The following TYR variants were observed in gnomAD, a reference collection of about 807,000 sequenced individuals.
TYR encodes the protein LB24-AB.
TYR carries 58 observed loss-of-function variants against 51.5 expected under a neutral mutation model. The ratio of observed to expected loss-of-function variants is 1.13; its 90% CI spans 0.91 to 1.40. The LOEUF is 1.40. TYR is among the 40% of genes most tolerant of loss of function. The pLI is 0.00. For synonymous variants in TYR, 263 were observed against 235.2 expected (o/e 1.12, Z -1.08); for missense variants, 732 against 647.4 (o/e 1.13, Z -1.42).
chr11:89,245,920 C>CA (rs58642362), intron 3 of TYR, among the ~76,000 whole-genome samples: 1,876 of 143,132 alleles, frequency 0.013, 28 homozygotes, highest in East Asian at 0.037. Context: ...GACTCCATCT[C>CA]AAAAAAAAAA....
intron 3 of TYR, among the ~76,000 whole-genome samples, chr11:89,258,258 C>T (rs1042190958): frequency 1.3e-5 from 2 of 151,750 alleles, no homozygotes; most frequent in Admixed American, 1.3e-4. Flanking sequence ...CACCTGATAC[C>T]TTGAAAGTAG....
chr11:89,243,662 T>C (rs1393187360), intron 3 of TYR, among the ~76,000 whole-genome samples: 1 of 152,196 alleles, frequency 6.6e-6, no homozygotes, highest in African/African-American at 2.4e-5. Flanking sequence ...CAATGTTTAA[T>C]CGAATTAATA....
At chr11:89,245,827 C>A (rs1270224388) in intron 3 of TYR, among the ~76,000 whole-genome samples, 1 of 151,644 alleles carries the variant, frequency 6.6e-6, no homozygotes, top group Non-Finnish European at 1.5e-5. Flanking sequence ...GAGGCTGAGG[C>A]AGGAGAATGG....
chr11:89,213,699 A>G (rs1320654497), intron 2 of TYR, among the ~76,000 whole-genome samples: 3 of 152,212 alleles, frequency 2.0e-5, no homozygotes, highest in African/African-American at 7.2e-5. Context: ...CTATACTACA[A>G]GGCTACACTA....
At chr11:89,256,225 G>A (rs1251781587) in intron 3 of TYR, among the ~76,000 whole-genome samples, 1 of 151,628 alleles carries the variant, frequency 6.6e-6, no homozygotes, top group East Asian at 1.9e-4. Context: ...AATATTTTTA[G>A]AGCAACTTGG....
intron 1 of TYR, among the ~76,000 whole-genome samples, chr11:89,183,582 A>G (rs1943329698): frequency 6.6e-6 from 1 of 152,056 alleles, no homozygotes; most frequent in Admixed American, 6.6e-5. Flanking sequence ...ACTTAGCTAC[A>G]AGACCCTAAG....
Position 89,178,260 on chromosome 11 carries a change from T to A in TYR, c.307T>A (p.Cys103Ser). ...CTTCATGGGATTCAACTGTGGAAAC[T>A]GCAAGTTTGGCTTTTGGGGACCAAA... Reference protein sequence around the residue: ...GNFMGFNCGNCKFGFWGPNCT... With the variant: ...GNFMGFNCGNSKFGFWGPNCT... The change falls in exon 1 of 5, where the codon TGC becomes AGC. Residue 103 changes from cysteine to serine, a missense_variant. Coordinates refer to ENST00000263321, the MANE Select transcript of TYR (RefSeq NM_000372.5). 1 of 1,614,226 alleles carries A rather than the reference T, an allele frequency of 6.2e-7. No individual in the cohort carries two copies. The highest frequency in any genetic ancestry group is 1.6e-4 in the Middle Eastern group (1 of 6,062).
chr11:89,245,159 A>G (rs1944248200), intron 3 of TYR, among the ~76,000 whole-genome samples: 1 of 152,198 alleles, frequency 6.6e-6, no homozygotes, highest in African/African-American at 2.4e-5. Flanking sequence ...GTGTAAAAAC[A>G]GTCAATATAT....
At chr11:89,179,911 G>T (rs945817836) in intron 1 of TYR, among the ~76,000 whole-genome samples, 1 of 152,128 alleles carries the variant, frequency 6.6e-6, no homozygotes, top group Non-Finnish European at 1.5e-5. Flanking sequence ...CAGCACTTTT[G>T]ACTAGCAATG....
At chr11:89,183,137 C>T (rs1384597983) in intron 1 of TYR, among the ~76,000 whole-genome samples, 1 of 152,154 alleles carries the variant, frequency 6.6e-6, no homozygotes, top group East Asian at 1.9e-4. Context: ...TCTTTGCTCC[C>T]AAAAGCTTTT....
intron 3 of TYR, among the ~76,000 whole-genome samples, chr11:89,244,103 T>C (rs920429621): frequency 1.3e-5 from 2 of 152,168 alleles, no homozygotes; most frequent in African/African-American, 4.8e-5. Flanking sequence ...ATATCAAAAA[T>C]AGAGGCTATT....
chr11:89,195,508 G>A (rs11018527), intron 2 of TYR, among the ~76,000 whole-genome samples: 3,551 of 151,862 alleles, frequency 0.023, 145 homozygotes, highest in African/African-American at 0.081. Context: ...GAGAAACCCC[G>A]TTTCTACTAA....
chr11:89,199,666 C>G (rs1032165638), intron 2 of TYR, among the ~76,000 whole-genome samples: 1 of 152,194 alleles, frequency 6.6e-6, no homozygotes, highest in Non-Finnish European at 1.5e-5. Context: ...TTATGTACAT[C>G]TAGCTCCTAT....
At position 89,254,656 on chromosome 11, in the gene TYR, C is replaced by T. The variant is rs1195360560; in HGVS notation, c.1184+26686C>T. On this transcript the variant is annotated intron_variant, in intron 3 of 4. Transcript: ENST00000263321. The stretch of plus-strand genomic sequence containing the variant: ...TGAATGATCTTTTGTATTTCTGTAG[C>T]ATCAGTTGTAATATCTCCCATTTCA... Among the ~76,000 whole-genome samples, 17 of 151,734 alleles carry T rather than the reference C, an allele frequency of 1.1e-4. No homozygotes were observed. The South Asian group carries it at 3.3e-3, about 30-fold the overall frequency.
chr11:89,233,137 T>A (rs1025273102), intron 3 of TYR, among the ~76,000 whole-genome samples: 1 of 143,788 alleles, frequency 7.0e-6, no homozygotes, highest in Non-Finnish European at 1.5e-5. Context: ...TTATCTGATA[T>A]ACTAAATACT....
chr11:89,291,956 C>A lies in TYR; in HGVS notation c.1367-3187C>A, dbSNP rs193120831. On this transcript the variant is annotated intron_variant, in intron 4 of 4. Coordinates refer to ENST00000263321, the MANE Select transcript of TYR (RefSeq NM_000372.5). ...TCTAGGAATTTTACTGTTTTTACTA[C>A]TACAATATTATTTACAGTTCAACCA... Among the ~76,000 whole-genome samples, 15 of 152,064 alleles carry A rather than the reference C, an allele frequency of 9.9e-5. No homozygotes were observed. The East Asian group carries it at 2.7e-3, about 27-fold the overall frequency.
intron 3 of TYR, among the ~76,000 whole-genome samples, chr11:89,251,029 T>A (rs1944325948): frequency 6.6e-6 from 1 of 151,962 alleles, no homozygotes; most frequent in Admixed American, 6.6e-5. Context: ...GAATTTTTTT[T>A]ATTTTAAGAT....
At chr11:89,245,161 T>C (rs1944248225) in intron 3 of TYR, among the ~76,000 whole-genome samples, 1 of 152,096 alleles carries the variant, frequency 6.6e-6, no homozygotes, top group Admixed American at 6.5e-5. Flanking sequence ...GTAAAAACAG[T>C]CAATATATAG....
At chr11:89,230,192 T>C (rs1944028813) in intron 3 of TYR, among the ~76,000 whole-genome samples, 1 of 152,122 alleles carries the variant, frequency 6.6e-6, no homozygotes, top group Admixed American at 6.6e-5. Flanking sequence ...AGATTTATTG[T>C]TCATTGAAAC....
Sources: gnomAD v4.1 joint callset for allele counts (sites outside exome capture counted in the v4.1 genomes callset) on GRCh38, gnomAD v4.1.1 for gene constraint, MANE v1.5 for transcripts, NCBI Gene and HGNC (gene_info 2026-07-23, HGNC 2026-07-21) for gene names.